The following KICS2 variants were observed in gnomAD, a reference collection of about 807,000 sequenced individuals.
KICS2 encodes KICSTOR subunit 2, also known as KICSTOR complex protein C12orf66.
KICS2 carries 13 observed loss-of-function variants against 31.4 expected under a neutral mutation model. The ratio of observed to expected loss-of-function variants is 0.41; its 90% CI spans 0.27 to 0.66. KICS2 has a LOEUF of 0.66. Ranked by LOEUF, KICS2 falls within the 30% of genes least tolerant of loss-of-function variation. The pLI, the probability that KICS2 is intolerant of heterozygous loss-of-function variation, is 0.28. For synonymous variants in KICS2, 209 were observed against 214.8 expected (o/e 0.97, Z 0.24); for missense variants, 455 against 545.4 (o/e 0.83, Z 1.65).
At chr12:64,218,724 C>T (rs1438642525) in intron 1 of KICS2, among the ~76,000 whole-genome samples, 2 of 151,120 alleles carry the variant, frequency 1.3e-5, no homozygotes, top group Non-Finnish European at 2.9e-5. Context: ...AAAAAGGATA[C>T]CTAACTTCAT....
At chr12:64,217,906 AAAG>A (rs1468070486) in intron 1 of KICS2, among the ~76,000 whole-genome samples, 17 of 152,222 alleles carry the variant, frequency 1.1e-4, no homozygotes, top group African/African-American at 4.1e-4. Flanking sequence ...AAAGAAAAGA[AAAG>A]AAGAAAGGAA....
chr12:64,196,373 A>C (rs1328015258), intron 2 of KICS2, among the ~76,000 whole-genome samples: 5 of 151,308 alleles, frequency 3.3e-5, no homozygotes, highest in African/African-American at 1.2e-4. Context: ...ATTCCAACAG[A>C]CCTGCAGCTG....
chr12:64,207,097 G>A (rs754946882), intron 2 of KICS2, among the ~76,000 whole-genome samples: 7 of 151,978 alleles, frequency 4.6e-5, no homozygotes, highest in African/African-American at 1.2e-4. Context: ...TTGAGCTCAC[G>A]CGTTCAAGAC....
chr12:64,203,120 A>G (rs957300267), intron 2 of KICS2, among the ~76,000 whole-genome samples: 6 of 152,276 alleles, frequency 3.9e-5, no homozygotes, highest in Admixed American at 1.3e-4. Context: ...CCCAAGCGGA[A>G]GTAATAGCTG....
rs1009132488 is a variant in KICS2 at position 64,191,949 on chromosome 12, T to A, written c.*1893A>T. 6.7e-6 allele frequency: 1 copy of A among 149,082 alleles called. No individual in the cohort carries two copies. The highest frequency in any genetic ancestry group is 1.5e-5 in the Non-Finnish European group (1 of 67,790). The allele number at this position is 149,082 out of a possible 1,614,324, so 9.2% of individuals were successfully genotyped here. A position where few individuals can be genotyped will look rare whatever the true frequency, so the allele number is the denominator to read the frequency against. ...TAATCCCACCTACTCGGGATGCTGA[T>A]GTGGGAGGATCACTTGAGCCCAGGA... On this transcript the variant is annotated 3_prime_UTR_variant, in exon 3 of 3. Transcript: ENST00000398055.
At chr12:64,218,427 A>C (rs2037649681) in intron 1 of KICS2, among the ~76,000 whole-genome samples, 1 of 152,228 alleles carries the variant, frequency 6.6e-6, no homozygotes. Context: ...CTGGTGATAG[A>C]GCTAAAAAAA....
At chr12:64,206,746 G>A (rs1159364150) in intron 2 of KICS2, among the ~76,000 whole-genome samples, 1 of 152,154 alleles carries the variant, frequency 6.6e-6, no homozygotes, top group African/African-American at 2.4e-5. Context: ...TACAACATAG[G>A]TGAATCTCAA....
At chr12:64,214,011 G>A (rs1379701230) in intron 2 of KICS2, among the ~76,000 whole-genome samples, 2 of 152,156 alleles carry the variant, frequency 1.3e-5, no homozygotes, top group African/African-American at 4.8e-5. Context: ...TACCATCATA[G>A]CCTGCTAAAC....
intron 1 of KICS2, among the ~76,000 whole-genome samples, chr12:64,220,974 T>C (rs2037676288): frequency 6.6e-6 from 1 of 152,092 alleles, no homozygotes; most frequent in Admixed American, 6.5e-5. Context: ...TAAATAAGTA[T>C]GTATAAATCA....
intron 2 of KICS2, among the ~76,000 whole-genome samples, chr12:64,214,183 T>A (rs1314105942): frequency 6.6e-6 from 1 of 152,204 alleles, no homozygotes; most frequent in Non-Finnish European, 1.5e-5. Context: ...AACACAACTA[T>A]TCACTCATTT....
chr12:64,218,817 C>T (rs2037653686), intron 1 of KICS2, among the ~76,000 whole-genome samples: 1 of 152,072 alleles, frequency 6.6e-6, no homozygotes, highest in South Asian at 2.1e-4. Context: ...ACGCTAATCA[C>T]CAGCATGTGA....
intron 1 of KICS2, among the ~76,000 whole-genome samples, chr12:64,220,859 C>T (rs2037675012): frequency 6.6e-6 from 1 of 152,044 alleles, no homozygotes; most frequent in African/African-American, 2.4e-5. Context: ...GGAATAATAA[C>T]ACCATAGCAG....
intron 1 of KICS2, among the ~76,000 whole-genome samples, chr12:64,218,707 A>G (rs2037652658): frequency 6.8e-6 from 1 of 146,116 alleles, no homozygotes; most frequent in South Asian, 2.2e-4. Context: ...CTTATGGGAG[A>G]AAAAAAAAAA....
downstream of KICS2, among the ~76,000 whole-genome samples, chr12:64,189,160 A>T (rs901595648): frequency 9.9e-5 from 15 of 152,208 alleles, no homozygotes; most frequent in African/African-American, 3.1e-4. Flanking sequence ...TCCATCCCAA[A>T]AAATAAATAA....
downstream of KICS2, chr12:64,187,309 T>C (rs186737446): frequency 4.8e-3 from 1,658 of 342,342 alleles, 19 homozygotes; most frequent in Non-Finnish European, 5.1e-3. Flanking sequence ...CTCTCCTGAG[T>C]GCTACCATCA....
At chr12:64,205,538 C>T (rs1231190555) in intron 2 of KICS2, among the ~76,000 whole-genome samples, 1 of 145,228 alleles carries the variant, frequency 6.9e-6, no homozygotes, top group African/African-American at 2.6e-5. Flanking sequence ...TTGAAAGAGT[C>T]TGAATAGTCT....
At chr12:64,198,055 C>A in intron 2 of KICS2, among the ~76,000 whole-genome samples, 1 of 41,344 alleles carries the variant, frequency 2.4e-5, no homozygotes, top group Non-Finnish European at 4.4e-5. Context: ...GACAGAAAGT[C>A]AACAAGGATA....
At chr12:64,213,966 T>C (rs1158965503) in intron 2 of KICS2, among the ~76,000 whole-genome samples, 1 of 152,200 alleles carries the variant, frequency 6.6e-6, no homozygotes, top group Non-Finnish European at 1.5e-5. Flanking sequence ...TCCCACTGTC[T>C]TGCAACCATG....
At chr12:64,221,847 A>C (rs1001207378) in intron 1 of KICS2, 156 bp downstream of exon 1, 87 of 847,788 alleles carry the variant, frequency 1.0e-4, no homozygotes, top group Admixed American at 2.6e-4. Context: ...GTGGAAGCCC[A>C]GGGAAGGAAA....
Sources: gnomAD v4.1 joint callset for allele counts (sites outside exome capture counted in the v4.1 genomes callset) on GRCh38, gnomAD v4.1.1 for gene constraint, MANE v1.5 for transcripts, NCBI Gene and HGNC (gene_info 2026-07-23, HGNC 2026-07-21) for gene names.